The following LY75 variants were observed in gnomAD, a reference collection of about 807,000 sequenced individuals.
LY75 encodes the protein C-type lectin domain family 13 member B.
A neutral mutation model predicts 231.7 loss-of-function variants in LY75; 185 were observed. The observed-to-expected ratio is 0.80, with a 90% confidence interval of 0.71 to 0.90. The LOEUF (loss-of-function observed/expected upper bound fraction) is 0.90. LY75 is among the 40% of genes least tolerant of loss of function. LY75 has a pLI of 0.00. For missense variants in LY75, 1,947 were observed against 2,050.2 expected, an observed-to-expected ratio of 0.95 and a Z score of 0.97; for synonymous variants, 668 against 689.0, an observed-to-expected ratio of 0.97 and a Z score of 0.48.
chr2:159,875,629 A>C lies in LY75; in HGVS notation c.1789T>G (p.Cys597Gly). Residue 597 changes from cysteine to glycine, a missense_variant, in exon 12 of 35, where the codon TGC (cysteine) becomes GGC (glycine). Physicochemically the swap from Cys to Gly is radical, Grantham distance 159. Coordinates refer to ENST00000263636, the MANE Select transcript of LY75 (RefSeq NM_002349.4). ...GACTTTCCAGTAGACATAGCCACGCAGCCGCCCGGGGAAGCTGGGATTGAA... is the reference window on the plus strand; with the variant it reads ...GACTTTCCAGTAGACATAGCCACGCCGCCGCCCGGGGAAGCTGGGATTGAA... Reference protein sequence around the residue: ...NFLEPASPGGCVAMSTGKSVG... With the variant: ...NFLEPASPGGGVAMSTGKSVG... 1 of 1,614,020 alleles carries C rather than the reference A, an allele frequency of 6.2e-7. No individual in the cohort carries two copies. The highest frequency in any genetic ancestry group is 8.5e-7 in the Non-Finnish European group (1 of 1,179,968).
intron 13 of LY75, chr2:159,871,797 GTGTATATA>G (rs1685020027): frequency 2.0e-5 from 3 of 152,112 alleles, no homozygotes; most frequent in Admixed American, 1.3e-4. Context: ...CTTCCTCTCT[GTGTATATA>G]TGTATATATG....
Position 159,854,396 on chromosome 2 carries a change from A to C in LY75, c.2559T>G (p.Phe853Leu). The C allele has an allele frequency of 6.6e-7, 1 of 1,524,330 alleles. No individual in the cohort carries two copies. The highest frequency in any genetic ancestry group is 1.4e-5 in the South Asian group (1 of 73,492). 94.4% of individuals were successfully genotyped at this position (1,524,330 alleles called of 1,614,324 possible). A position where few individuals can be genotyped will look rare whatever the true frequency, so the allele number is the denominator to read the frequency against. The change falls in exon 18 of 35, where the codon TTT (phenylalanine) becomes TTG (leucine). Residue 853 changes from phenylalanine to leucine, a missense_variant. Coordinates refer to ENST00000263636, the MANE Select transcript of LY75 (RefSeq NM_002349.4). Reference sequence around the variant, plus strand: ...TGTTTTTGATGGCTTTTAGTCCCACAAAAGATGTTATAGTTGCAAGAAAGC... The same window carrying C: ...TGTTTTTGATGGCTTTTAGTCCCACCAAAGATGTTATAGTTGCAAGAAAGC... ...NHSFLATITS[F>L]VGLKAIKNKI...
At chr2:159,812,885 A>C (rs1683004866) in intron 31 of LY75, among the ~76,000 whole-genome samples, 1 of 152,126 alleles carries the variant, frequency 6.6e-6, no homozygotes, top group South Asian at 2.1e-4. Flanking sequence ...CTGCCATTCC[A>C]CTTCCTGTCT....
intron 31 of LY75, among the ~76,000 whole-genome samples, chr2:159,812,016 CA>C (rs1488103362): frequency 2.6e-5 from 4 of 152,136 alleles, no homozygotes; most frequent in African/African-American, 7.2e-5. Flanking sequence ...GTTGGTTGGG[CA>C]AAGGTATATT....
chr2:159,810,911 A>C (rs1469002125), intron 31 of LY75, among the ~76,000 whole-genome samples: 5 of 152,248 alleles, frequency 3.3e-5, no homozygotes, highest in African/African-American at 7.2e-5. Context: ...TCTAAGACTG[A>C]TTTGGACTAA....
Position 159,810,569 on chromosome 2 carries a change from T to A in LY75, c.4656A>T (p.Ala1552=), listed in dbSNP as rs758167231. Residue 1552 remains alanine, a synonymous_variant, in exon 32 of 35, where the codon GCA becomes GCT. Transcript: ENST00000263636. ...YKGHCYKSDQ[A]LHSFSEAKKL... ...TTTTGGCCTCTGAAAAACTGTGCAA[T>A]GCCTGATCAGACTTGTAACAGTGAC... 6.2e-7 allele frequency: 1 copy of A among 1,614,202 alleles called. No individual in the cohort carries two copies. Among genetic ancestry groups the A allele is most frequent in the East Asian group, 2.2e-5 (1 of 44,884 alleles).
intron 8 of LY75, 142 bp downstream of exon 8, chr2:159,880,941 G>T (rs1412122180): frequency 1.0e-6 from 1 of 989,688 alleles, no homozygotes; most frequent in Non-Finnish European, 1.4e-6. Context: ...AACAGGTAAT[G>T]GTCCGTGGCT....
At chr2:159,870,263 C>A (rs893975904) in intron 13 of LY75, among the ~76,000 whole-genome samples, 1 of 151,910 alleles carries the variant, frequency 6.6e-6, no homozygotes, top group Non-Finnish European at 1.5e-5. Context: ...TTAGCCTGGG[C>A]AACATGGAAA....
chr2:159,838,513 G>A (rs1267121879), intron 25 of LY75, among the ~76,000 whole-genome samples: 1 of 152,098 alleles, frequency 6.6e-6, no homozygotes. Context: ...TTATTTTTAG[G>A]TACTGGCATT....
At chr2:159,857,564 A>G (rs1003214864) in intron 16 of LY75, among the ~76,000 whole-genome samples, 1 of 152,112 alleles carries the variant, frequency 6.6e-6, no homozygotes, top group African/African-American at 2.4e-5. Flanking sequence ...CAACATGGTG[A>G]AACCCTGACT....
intron 2 of LY75, among the ~76,000 whole-genome samples, chr2:159,897,800 A>G (rs1310038318): frequency 6.6e-6 from 1 of 152,350 alleles, no homozygotes; most frequent in East Asian, 1.9e-4. Flanking sequence ...TTTGCTTGGG[A>G]GATAGCTAAT....
Position 159,878,506 on chromosome 2 carries a change from A to C in LY75, c.1605-13T>G. 6.2e-7 allele frequency: 1 copy of C among 1,613,396 alleles called. No homozygotes were observed. The highest frequency in any genetic ancestry group is 8.5e-7 in the Non-Finnish European group (1 of 1,179,710). On this transcript the variant is annotated splice_polypyrimidine_tract_variant and intron_variant, in intron 10 of 34. Transcript: ENST00000263636. ...TTCTTGCTCAAATCTACAAAAGGAG[A>C]ATCAAATTGGCAAGTGTTTCACAAT...
At chr2:159,895,784 A>T (rs889156534) in intron 2 of LY75, among the ~76,000 whole-genome samples, 3 of 152,206 alleles carry the variant, frequency 2.0e-5, no homozygotes, top group African/African-American at 7.2e-5. Context: ...AAGCTCTCTA[A>T]GTCACAATAT....
At chr2:159,861,038 A>C in intron 14 of LY75, 149 bp from the exon 15 acceptor site, 1 of 730,708 alleles carries the variant, frequency 1.4e-6, no homozygotes, top group Non-Finnish European at 2.3e-6. Context: ...ATGATGCTAA[A>C]TCATGAGAGG....
rs531928267 is a variant in LY75, at chr2:159,897,616, G to A, written c.466+1072C>T. On this transcript the variant is annotated intron_variant, in intron 2 of 34. Transcript: ENST00000263636. ...ATAATGGAAAGTATGGGAGCAAGCTGCTATAGTGACTTTGAGGCCAAATTT... is the reference window on the plus strand; with the variant it reads ...ATAATGGAAAGTATGGGAGCAAGCTACTATAGTGACTTTGAGGCCAAATTT... Among the ~76,000 whole-genome samples the A allele has an allele frequency of 1.1e-4, 16 of 152,314 alleles. 1 individual carries two copies. The highest frequency in any genetic ancestry group is 3.6e-4 in the African/African-American group (15 of 41,572).
In LY75 at chr2:159,864,929, A is replaced by G. The variant is rs1459930006; in HGVS notation, c.2118-9T>C. On this transcript the variant is annotated splice_polypyrimidine_tract_variant and intron_variant, in intron 13 of 34. Coordinates refer to ENST00000263636, the MANE Select transcript of LY75 (RefSeq NM_002349.4). ...ACAGCCAATGCTGGCCACTATGTAA[A>G]AAGCAAGTGTTAAAAATACAGGACA... The G allele has an allele frequency of 1.3e-6, 2 of 1,594,164 alleles. No individual in the cohort carries two copies. The highest frequency in any genetic ancestry group is 3.6e-5 in the Admixed American group (2 of 56,068).
intron 5 of LY75, among the ~76,000 whole-genome samples, chr2:159,885,503 A>T (rs1290133235): frequency 6.6e-6 from 1 of 152,220 alleles, no homozygotes; most frequent in African/African-American, 2.4e-5. Context: ...AAGGGAAAAC[A>T]TCATGATATG....
intron 28 of LY75, among the ~76,000 whole-genome samples, chr2:159,823,343 A>G (rs908740006): frequency 1.3e-5 from 2 of 152,234 alleles, no homozygotes; most frequent in African/African-American, 4.8e-5. Flanking sequence ...GGAAGAAAGG[A>G]TATCAGGGAT....
intron 13 of LY75, among the ~76,000 whole-genome samples, chr2:159,869,585 C>G (rs1177904040): frequency 3.9e-5 from 6 of 152,200 alleles, no homozygotes; most frequent in Non-Finnish European, 8.8e-5. Context: ...CAGCCTGTAT[C>G]TTAGTAGGGC....
Sources: gnomAD v4.1 joint callset for allele counts (sites outside exome capture counted in the v4.1 genomes callset) on GRCh38, gnomAD v4.1.1 for gene constraint, MANE v1.5 for transcripts, NCBI Gene and HGNC (gene_info 2026-07-23, HGNC 2026-07-21) for gene names.